The following HFM1 variants were observed in gnomAD, a reference collection of about 807,000 sequenced individuals.
HFM1 encodes helicase for meiosis 1.
HFM1 carries 169 observed loss-of-function variants against 192.1 expected under a neutral mutation model. The ratio of observed to expected loss-of-function variants is 0.88; its 90% CI spans 0.78 to 1.00. The LOEUF (loss-of-function observed/expected upper bound fraction) is 1.00. HFM1 is among the 50% of genes least tolerant of loss of function. The pLI is 0.00. For synonymous variants in HFM1, 525 were observed against 537.8 expected, an observed-to-expected ratio of 0.98 and a Z score of 0.33; for missense variants, 1,661 against 1,668.0, an observed-to-expected ratio of 1.00 and a Z score of 0.07.
intron 20 of HFM1, chr1:91,329,462 A>C: frequency 6.4e-6 from 10 of 1,568,048 alleles, no homozygotes; most frequent in Non-Finnish European, 8.7e-6. Flanking sequence ...AATCAAAGGG[A>C]TCCACTAAGA....
At chr1:91,385,468 CAG>C (rs1289457208) in intron 5 of HFM1, 105 bp downstream of exon 5, 8 of 960,896 alleles carry the variant, frequency 8.3e-6, no homozygotes, top group Admixed American at 5.0e-5. Flanking sequence ...AGAAATTGCA[CAG>C]AGAGATAATT....
intron 30 of HFM1, among the ~76,000 whole-genome samples, chr1:91,301,293 C>A (rs1648736705): frequency 6.8e-6 from 1 of 147,876 alleles, no homozygotes; most frequent in African/African-American, 2.5e-5. Flanking sequence ...AAGATACAAA[C>A]AAATGGAAGA....
chr1:91,385,878 C>A, intron 4 of HFM1, 44 bp from the exon 5 acceptor site: 1 of 1,518,744 alleles, frequency 6.6e-7, no homozygotes, highest in Non-Finnish European at 8.9e-7. Flanking sequence ...ACGTGTAACA[C>A]TTGCTTGGAA....
intron 30 of HFM1, among the ~76,000 whole-genome samples, chr1:91,312,323 G>A (rs1205098202): frequency 1.3e-5 from 2 of 152,110 alleles, no homozygotes; most frequent in African/African-American, 4.8e-5. Flanking sequence ...ACCAACCCAT[G>A]AAAGCAGCCA....
chr1:91,283,676 C>T (rs1667670092), intron 30 of HFM1, among the ~76,000 whole-genome samples: 1 of 152,084 alleles, frequency 6.6e-6, no homozygotes, highest in Non-Finnish European at 1.5e-5. Flanking sequence ...GTTATAAAGT[C>T]TCTAGTTCCA....
At chr1:91,335,592 G>C (rs1654452491) in intron 20 of HFM1, among the ~76,000 whole-genome samples, 1 of 152,166 alleles carries the variant, frequency 6.6e-6, no homozygotes, top group Non-Finnish European at 1.5e-5. Flanking sequence ...TATAGCTACT[G>C]AATGATTAAT....
At chr1:91,338,468 G>T (rs1471704504) in intron 20 of HFM1, among the ~76,000 whole-genome samples, 2 of 152,162 alleles carry the variant, frequency 1.3e-5, no homozygotes, top group Non-Finnish European at 2.9e-5. Flanking sequence ...GGCCTCAGTT[G>T]CCCAACTGGG....
chr1:91,348,593 A>G (rs1441674250), intron 18 of HFM1, among the ~76,000 whole-genome samples: 2 of 152,224 alleles, frequency 1.3e-5, no homozygotes, highest in Non-Finnish European at 2.9e-5. Flanking sequence ...TAAGTGATAC[A>G]TAAGTAAATG....
intron 4 of HFM1, among the ~76,000 whole-genome samples, chr1:91,386,222 C>T (rs1396930718): frequency 3.3e-5 from 5 of 152,172 alleles, no homozygotes; most frequent in African/African-American, 1.2e-4. Flanking sequence ...TCCCCATGGT[C>T]TCTTAGATCT....
chr1:91,262,275 TA>T lies in HFM1; in HGVS notation c.4203del (p.Arg1402GlufsTer23). The stretch of plus-strand genomic sequence containing the variant: ...ACTTCCTTTTTACATTCACTGTTTC[TA>T]ATAAAAAAATCCACTTTTTTATAAT... ...SSNYKKVDFF[I>X]RNSECKKEVD... On this transcript the variant is annotated frameshift_variant, in exon 38 of 39. Coordinates refer to ENST00000370425, the MANE Select transcript of HFM1 (RefSeq NM_001017975.6). LOFTEE classifies it high-confidence loss of function. 2 of 1,440,686 alleles carry T rather than the reference TA, an allele frequency of 1.4e-6. No individual in the cohort carries two copies. The highest frequency in any genetic ancestry group is 1.9e-6 in the Non-Finnish European group (2 of 1,045,478). The allele number at this position is 1,440,686 out of a possible 1,614,324, so 89.2% of individuals were successfully genotyped here.
chr1:91,333,587 G>A (rs1333726712), intron 20 of HFM1, among the ~76,000 whole-genome samples: 1 of 151,924 alleles, frequency 6.6e-6, no homozygotes, highest in Non-Finnish European at 1.5e-5. Flanking sequence ...ATAATAATTT[G>A]ACTGTACATT....
At chr1:91,273,889 A>G in intron 33 of HFM1, 74 bp from the exon 34 acceptor site, 1 of 801,044 alleles carries the variant, frequency 1.2e-6, no homozygotes, top group Non-Finnish European at 2.0e-6. Flanking sequence ...CTATTTATTC[A>G]TATAAACAAA....
chr1:91,363,891 TG>T, intron 13 of HFM1, among the ~76,000 whole-genome samples: 1 of 152,226 alleles, frequency 6.6e-6, no homozygotes, highest in East Asian at 1.9e-4. Context: ...TGCAGAGACA[TG>T]GATGGAGATG....
At chr1:91,386,363 C>T (rs141406278) in intron 4 of HFM1, among the ~76,000 whole-genome samples, 1 of 152,288 alleles carries the variant, frequency 6.6e-6, no homozygotes, top group East Asian at 1.9e-4. Flanking sequence ...GACAGCAAGC[C>T]ACCTTGAAGA....
At chr1:91,289,859 A>T (rs1557788321) in intron 30 of HFM1, among the ~76,000 whole-genome samples, 6 of 152,114 alleles carry the variant, frequency 3.9e-5, no homozygotes. Context: ...GCAAAGAGGG[A>T]GAGGGAGACG....
rs367974780 is a variant in HFM1, at chr1:91,379,076, A to G, written c.1145T>C (p.Ile382Thr). 1 of 1,569,178 alleles carries G rather than the reference A, an allele frequency of 6.4e-7. No individual in the cohort carries two copies. Among genetic ancestry groups the G allele is most frequent in the Non-Finnish European group, 8.6e-7 (1 of 1,157,904 alleles). ...DLFEIQHAHI[I>T]MTTPEKWDSM... ...AATAATACCTACTGGAGTTGTCATA[A>G]TAATATGGGCATGCTGAATCTCAAA... Residue 382 changes from isoleucine (I) to threonine (T), a missense_variant, in exon 9 of 39, where the codon ATT becomes ACT. Physicochemically the swap from Ile to Thr is moderately conservative, Grantham distance 89. Coordinates refer to ENST00000370425, the MANE Select transcript of HFM1 (RefSeq NM_001017975.6).
intron 38 of HFM1, 40 bp from the exon 39 acceptor site, chr1:91,261,399 A>G: frequency 1.1e-6 from 1 of 922,798 alleles, no homozygotes; most frequent in East Asian, 3.1e-5. Context: ...CTATTTTTTA[A>G]CACAATTTAT....
intron 13 of HFM1, among the ~76,000 whole-genome samples, chr1:91,355,815 C>T (rs1412508698): frequency 6.6e-6 from 1 of 151,936 alleles, no homozygotes; most frequent in Non-Finnish European, 1.5e-5. Flanking sequence ...TTAACCAGAC[C>T]GAAAGTTAAC....
rs1381668752 is a variant in HFM1, at chr1:91,353,275, T to C, written c.1710A>G (p.Val570=). The C allele has an allele frequency of 1.3e-6, 2 of 1,581,264 alleles. No homozygotes were observed. Among genetic ancestry groups the C allele is most frequent in the Non-Finnish European group, 1.7e-6 (2 of 1,152,142 alleles). The part of the protein sequence containing the change: ...KQRLQKYAYS[V]RDSKLRDILK... Reference sequence around the variant, plus strand: ...ACCTACCTCTCAGTTTTGAATCTCTTACGGAATATGCATACTTCTGTAACC... The same window carrying C: ...ACCTACCTCTCAGTTTTGAATCTCTCACGGAATATGCATACTTCTGTAACC... Residue 570 remains valine, a synonymous_variant, in exon 14 of 39, where the codon GTA becomes GTG. Coordinates refer to ENST00000370425, the MANE Select transcript of HFM1 (RefSeq NM_001017975.6).
Sources: allele counts gnomAD v4.1 joint callset (sites outside exome capture counted in the v4.1 genomes callset), GRCh38; gene constraint gnomAD v4.1.1; transcripts MANE v1.5; gene names NCBI Gene and HGNC (gene_info 2026-07-23, HGNC 2026-07-21).